Variants in KCNIP4 observed in about 807,000 individuals in gnomAD.
KCNIP4 encodes the protein Kv channel-interacting protein 4.
KCNIP4 carries 12 observed loss-of-function variants against 34.0 expected under a neutral mutation model. That is an observed-to-expected ratio of 0.35 (90% CI 0.23 to 0.57). The LOEUF is 0.57. Among genes scored for constraint, KCNIP4 ranks in the 20% least tolerant of loss-of-function variants. The probability of loss-of-function intolerance (pLI) is 0.83; values close to 1 mark genes in which losing one functional copy is unlikely to be tolerated. For missense variants in KCNIP4, 238 were observed against 311.7 expected (o/e 0.76, Z 1.78); for synonymous variants, 124 against 102.2 (o/e 1.21, Z -1.29).
chr4:20,880,265 A>G (rs1381753091), intron 2 of KCNIP4, among the ~76,000 whole-genome samples: 3 of 152,080 alleles, frequency 2.0e-5, no homozygotes, highest in Non-Finnish European at 4.4e-5. Flanking sequence ...CACTTTCCAA[A>G]TTGACTGTCC....
chr4:21,138,979 C>T (rs780070745), intron 1 of KCNIP4, among the ~76,000 whole-genome samples: 5 of 152,144 alleles, frequency 3.3e-5, no homozygotes, highest in Admixed American at 6.5e-5. Flanking sequence ...ACCTCCAAAA[C>T]GATAAGGTAA....
intron 1 of KCNIP4, among the ~76,000 whole-genome samples, chr4:21,670,584 G>A (rs1178247252): frequency 6.6e-6 from 1 of 151,918 alleles, no homozygotes; most frequent in Admixed American, 6.6e-5. Context: ...AAAAAAAATC[G>A]ATCATATTGA....
chr4:20,798,099 A>T (rs928403589), intron 3 of KCNIP4, among the ~76,000 whole-genome samples: 4 of 152,186 alleles, frequency 2.6e-5, no homozygotes, highest in African/African-American at 7.2e-5. Context: ...TTTATTTCTG[A>T]ACACATTCAT....
intron 1 of KCNIP4, among the ~76,000 whole-genome samples, chr4:21,178,786 C>T (rs1035351292): frequency 6.6e-6 from 1 of 150,884 alleles, no homozygotes. Flanking sequence ...CAGAGAACTC[C>T]TTCTAGTTTT....
intron 1 of KCNIP4, among the ~76,000 whole-genome samples, chr4:21,193,694 C>T (rs866405043): frequency 2.0e-5 from 3 of 151,206 alleles, no homozygotes; most frequent in Middle Eastern, 3.2e-3. Context: ...GCCTCAGCCT[C>T]CCGAGTAGCC....
chr4:21,742,498 A>G (rs1320986560), intron 1 of KCNIP4, among the ~76,000 whole-genome samples: 1 of 152,194 alleles, frequency 6.6e-6, no homozygotes, highest in African/African-American at 2.4e-5. Flanking sequence ...CTGGCATTTT[A>G]CTTCACGTTC....
At chr4:20,743,608 C>A (rs1305459000) in intron 5 of KCNIP4, among the ~76,000 whole-genome samples, 3 of 152,100 alleles carry the variant, frequency 2.0e-5, no homozygotes, top group Non-Finnish European at 4.4e-5. Context: ...ACACTTTATA[C>A]AAAAATTAAT....
chr4:20,962,962 C>A (rs937481687), intron 1 of KCNIP4, among the ~76,000 whole-genome samples: 1 of 152,258 alleles, frequency 6.6e-6, no homozygotes, highest in African/African-American at 2.4e-5. Flanking sequence ...CTAACCGTCA[C>A]TTTGTCTGTA....
chr4:21,889,581 G>C lies in KCNIP4; in HGVS notation c.61+58990C>G, dbSNP rs1053036897. The stretch of plus-strand genomic sequence containing the variant: ...CAAGGGAGGCCAGAGGTTTCTCTTG[G>C]GGAGTGACATTTGAGCTGATAGCTT... On this transcript the variant is annotated intron_variant, in intron 1 of 8. Transcript: ENST00000382152. Among the ~76,000 whole-genome samples, 4 of 152,042 alleles carry C rather than the reference G, an allele frequency of 2.6e-5. No individual in the cohort carries two copies. The East Asian group carries it at 7.7e-4, about 29-fold the overall frequency.
At position 21,417,206 on chromosome 4, in the gene KCNIP4, G is replaced by T. The variant is rs1460468306; in HGVS notation, c.61+531365C>A. 4.6e-5 allele frequency among the ~76,000 whole-genome samples: 7 copies of T among 151,968 alleles called. No individual in the cohort carries two copies. In the South Asian group the frequency reaches 1.2e-3, roughly 27 times the overall value. ...ATTTCACATACTGCCCAAACATAAG[G>T]TCGTGCAGAGCACAAGAAAAGAGAG... On this transcript the variant is annotated intron_variant, in intron 1 of 8. Coordinates refer to ENST00000382152, the MANE Select transcript of KCNIP4 (RefSeq NM_025221.6).
intron 1 of KCNIP4, among the ~76,000 whole-genome samples, chr4:21,190,465 G>C (rs564495393): frequency 0.013 from 1,750 of 131,620 alleles, 18 homozygotes; most frequent in Non-Finnish European, 0.019. Context: ...CTTACCATTT[G>C]AACTAAGTGC....
rs1027148068 is a variant in KCNIP4, at chr4:20,789,885, A to G, written c.289-30995T>C. On this transcript the variant is annotated intron_variant, in intron 3 of 8. Transcript: ENST00000382152. The stretch of plus-strand genomic sequence containing the variant: ...CCTATATATGGGAAGGGTTTGTTAT[A>G]CAGCAAAAGCTAACTTTGTAGAAAT... Among the ~76,000 whole-genome samples the G allele has an allele frequency of 2.6e-4, 39 of 152,146 alleles. No homozygotes were observed. In the East Asian group the frequency reaches 7.5e-3, roughly 29 times the overall value.
At chr4:21,104,655 A>G (rs925064577) in intron 1 of KCNIP4, among the ~76,000 whole-genome samples, 1 of 151,982 alleles carries the variant, frequency 6.6e-6, no homozygotes, top group Non-Finnish European at 1.5e-5. Flanking sequence ...TGTTTTAAAC[A>G]TGAAGTCCTT....
At chr4:21,132,736 C>T (rs956782225) in intron 1 of KCNIP4, among the ~76,000 whole-genome samples, 11 of 151,686 alleles carry the variant, frequency 7.3e-5, no homozygotes, top group African/African-American at 1.2e-4. Flanking sequence ...CGGCCAGGCA[C>T]GGTGGCTCAC....
At chr4:21,856,973 G>A (rs907862161) in intron 1 of KCNIP4, among the ~76,000 whole-genome samples, 5 of 152,138 alleles carry the variant, frequency 3.3e-5, no homozygotes, top group Admixed American at 3.3e-4. Context: ...GCTCAGAGCT[G>A]GCCTGCTGGC....
At chr4:21,446,077 C>CATAGTGGG (rs1727959960) in intron 1 of KCNIP4, among the ~76,000 whole-genome samples, 2 of 152,096 alleles carry the variant, frequency 1.3e-5, no homozygotes, top group Admixed American at 6.5e-5. Flanking sequence ...CAATGAGATA[C>CATAGTGGG]CATCTCACAC....
intron 1 of KCNIP4, among the ~76,000 whole-genome samples, chr4:21,212,075 G>A (rs1475022873): frequency 6.6e-6 from 1 of 152,184 alleles, no homozygotes; most frequent in Non-Finnish European, 1.5e-5. Flanking sequence ...TTGCCTCAGT[G>A]AGGCTTCTGC....
At chr4:21,699,107 G>T (rs997494335) in intron 1 of KCNIP4, among the ~76,000 whole-genome samples, 2 of 152,148 alleles carry the variant, frequency 1.3e-5, no homozygotes, top group Non-Finnish European at 2.9e-5. Flanking sequence ...TTTGAAATAG[G>T]CAGAAGAAAT....
chr4:21,423,578 C>G (rs1199051853), intron 1 of KCNIP4, among the ~76,000 whole-genome samples: 1 of 152,136 alleles, frequency 6.6e-6, no homozygotes, highest in African/African-American at 2.4e-5. Flanking sequence ...CTAACATGTC[C>G]TCTTAACTGT....
Sources: gnomAD v4.1 joint callset for allele counts (sites outside exome capture counted in the v4.1 genomes callset) on GRCh38, gnomAD v4.1.1 for gene constraint, MANE v1.5 for transcripts, NCBI Gene and HGNC (gene_info 2026-07-23, HGNC 2026-07-21) for gene names.